The following ARHGAP28 variants were observed in gnomAD, a reference collection of about 807,000 sequenced individuals.
ARHGAP28 encodes the protein rho GTPase-activating protein 28.
Under a neutral mutation model 90.7 loss-of-function variants are expected in ARHGAP28, and 56 were observed. The observed-to-expected ratio is 0.62, with a 90% CI of 0.50 to 0.77. ARHGAP28 has a LOEUF of 0.77. Among genes scored for constraint, ARHGAP28 ranks in the 30% least tolerant of loss-of-function variants. ARHGAP28 has a pLI of 0.00. For missense variants in ARHGAP28, 869 were observed against 900.9 expected (o/e 0.96, Z 0.45); for synonymous variants, 308 against 323.3 (o/e 0.95, Z 0.51).
intron 15 of ARHGAP28, among the ~76,000 whole-genome samples, chr18:6,895,161 C>T (rs113724325): frequency 1.5e-3 from 228 of 152,048 alleles, no homozygotes; most frequent in African/African-American, 4.5e-3. Context: ...GAGTGTGCAA[C>T]GTATTGTATA....
chr18:6,753,681 A>T (rs558118985), intron 1 of ARHGAP28, among the ~76,000 whole-genome samples: 1 of 152,350 alleles, frequency 6.6e-6, no homozygotes, highest in South Asian at 2.1e-4. Context: ...GAATTGGTTG[A>T]GGCATTTTAT....
At chr18:6,731,639 T>C (rs2055883691) in intron 1 of ARHGAP28, among the ~76,000 whole-genome samples, 1 of 152,176 alleles carries the variant, frequency 6.6e-6, no homozygotes, top group Admixed American at 6.5e-5. Context: ...CTTGGTACCA[T>C]TGTTCCTCTG....
intron 3 of ARHGAP28, among the ~76,000 whole-genome samples, chr18:6,842,544 T>A (rs1489007587): frequency 6.6e-6 from 1 of 152,208 alleles, no homozygotes; most frequent in Non-Finnish European, 1.5e-5. Context: ...CTTCTTTTCC[T>A]TGAATTTTCT....
intron 1 of ARHGAP28, among the ~76,000 whole-genome samples, chr18:6,802,420 A>G (rs1475672169): frequency 7.6e-6 from 1 of 131,392 alleles, no homozygotes; most frequent in African/African-American, 2.9e-5. Flanking sequence ...ATCTCAGCTC[A>G]CTGCAACCTC....
chr18:6,876,325 T>G, intron 10 of ARHGAP28, 117 bp downstream of exon 10: 1 of 693,124 alleles, frequency 1.4e-6, no homozygotes, highest in Admixed American at 2.5e-5. Flanking sequence ...ACTTGGTCCT[T>G]CCTAGTATTC....
Position 6,729,851 on chromosome 18 carries a change from G to T in ARHGAP28, c.30G>T (p.Val10=). ...AGGTGGAGGACTCGGGCGGCGTGGT[G>T]CTGACCGCCTACCACTCGTACGCGC... MEVEDSGGV[V]LTAYHSYARA... Residue 10 remains valine, a synonymous_variant, in exon 1 of 18, where the codon GTG becomes GTT. Transcript: ENST00000383472. 1 of 1,434,282 alleles carries T rather than the reference G, an allele frequency of 7.0e-7. No homozygotes were observed. The highest frequency in any genetic ancestry group is 1.4e-5 in the South Asian group (1 of 71,140). The allele number at this position is 1,434,282 out of a possible 1,614,324, so 88.8% of individuals were successfully genotyped here.
At chr18:6,870,847 C>T (rs1266540922) in intron 7 of ARHGAP28, 115 bp downstream of exon 7, 14 of 1,171,420 alleles carry the variant, frequency 1.2e-5, no homozygotes, top group South Asian at 3.1e-5. Context: ...TTGCCCCAGG[C>T]TGGAGTGCAG....
chr18:6,824,663 TTTAAACTTAATTAA>T (rs1270286988), intron 1 of ARHGAP28, 85 bp from the exon 2 acceptor site: 5 of 1,103,098 alleles, frequency 4.5e-6, no homozygotes, highest in Middle Eastern at 2.7e-4. Flanking sequence ...CTCCATTTGA[TTTAAACTTAATTAA>T]TTAAACTTAA....
chr18:6,807,554 G>A (rs574232504), intron 1 of ARHGAP28, among the ~76,000 whole-genome samples: 2 of 152,234 alleles, frequency 1.3e-5, no homozygotes, highest in South Asian at 4.1e-4. Flanking sequence ...CACTCTAGAG[G>A]CAAAACTCTT....
At chr18:6,854,161 C>T (rs985924128) in intron 4 of ARHGAP28, among the ~76,000 whole-genome samples, 1 of 152,000 alleles carries the variant, frequency 6.6e-6, no homozygotes, top group African/African-American at 2.4e-5. Flanking sequence ...AACCTTCGAT[C>T]TCCTGGAAAA....
chr18:6,828,129 A>G (rs922161026), intron 2 of ARHGAP28, among the ~76,000 whole-genome samples: 1 of 152,106 alleles, frequency 6.6e-6, no homozygotes, highest in Non-Finnish European at 1.5e-5. Flanking sequence ...CTGGCAGATC[A>G]CTCGCGGTTA....
In ARHGAP28 at chr18:6,863,844, G is replaced by A. The variant is rs1028659446; in HGVS notation, c.726+3947G>A. On this transcript the variant is annotated intron_variant, in intron 5 of 17. Transcript: ENST00000383472. ...GTCTCCCAGGCTGGAGTGCAATGGC[G>A]CGATCTCGGCTCACTGCAACCTCCA... Among the ~76,000 whole-genome samples the A allele has an allele frequency of 7.7e-4, 115 of 149,900 alleles. 2 individuals carry two copies. The highest frequency in any genetic ancestry group is 3.3e-4 in the Non-Finnish European group (22 of 67,672).
intron 1 of ARHGAP28, among the ~76,000 whole-genome samples, chr18:6,743,571 A>T (rs2055997448): frequency 2.0e-5 from 3 of 152,232 alleles, no homozygotes; most frequent in Non-Finnish European, 4.4e-5. Context: ...TATTCATAGG[A>T]TAGTATATAC....
chr18:6,889,530 A>C (rs2057247694), intron 12 of ARHGAP28, among the ~76,000 whole-genome samples: 1 of 152,230 alleles, frequency 6.6e-6, no homozygotes, highest in Non-Finnish European at 1.5e-5. Context: ...CTTCACAGCA[A>C]AACAACCTTT....
chr18:6,871,209 A>G (rs757491258), intron 7 of ARHGAP28, among the ~76,000 whole-genome samples: 11 of 152,224 alleles, frequency 7.2e-5, no homozygotes, highest in African/African-American at 9.6e-5. Context: ...CTTGTTGTGC[A>G]GTGCACAGCC....
chr18:6,794,795 A>T (rs911237153), intron 1 of ARHGAP28, among the ~76,000 whole-genome samples: 21 of 151,858 alleles, frequency 1.4e-4, no homozygotes, highest in African/African-American at 4.8e-4. Flanking sequence ...CAATCCTCTT[A>T]CCTCAACCTC....
intron 6 of ARHGAP28, among the ~76,000 whole-genome samples, chr18:6,870,187 C>G (rs1226642295): frequency 6.6e-6 from 1 of 152,198 alleles, no homozygotes; most frequent in East Asian, 1.9e-4. Flanking sequence ...AGTTTCCAGC[C>G]TTTCTTCCTC....
chr18:6,782,590 G>GTTTT (rs1567945690), intron 1 of ARHGAP28, among the ~76,000 whole-genome samples: 8 of 20,924 alleles, frequency 3.8e-4, no homozygotes, highest in Non-Finnish European at 7.4e-4. Context: ...GCTAATTTTT[G>GTTTT]TATTTTTTTT....
chr18:6,754,983 C>CA (rs1308351312), intron 1 of ARHGAP28, among the ~76,000 whole-genome samples: 2 of 151,794 alleles, frequency 1.3e-5, no homozygotes, highest in Non-Finnish European at 2.9e-5. Flanking sequence ...TCGTCTCTAC[C>CA]AAAAATACAA....
Sources: allele counts gnomAD v4.1 joint callset (sites outside exome capture counted in the v4.1 genomes callset), GRCh38; gene constraint gnomAD v4.1.1; transcripts MANE v1.5; gene names NCBI Gene and HGNC (gene_info 2026-07-23, HGNC 2026-07-21).